The following USH2A variants were observed in gnomAD, a reference collection of about 807,000 sequenced individuals.
USH2A encodes Usher syndrome 2A (autosomal recessive, mild).
USH2A carries 443 observed loss-of-function variants against 538.9 expected under a neutral mutation model. The observed-to-expected ratio is 0.82, with a 90% CI of 0.76 to 0.89. USH2A has a LOEUF of 0.89. Ranked by LOEUF, USH2A falls within the 40% of genes least tolerant of loss-of-function variation. The probability of loss-of-function intolerance (pLI) is 0.00; values close to 1 mark genes in which losing one functional copy is unlikely to be tolerated. For synonymous variants in USH2A, 2,413 were observed against 2,273.5 expected (o/e 1.06, Z -1.75); for missense variants, 6,633 against 6,324.8 (o/e 1.05, Z -1.65).
In USH2A at chr1:216,323,633, C is replaced by T. The variant is rs771000800; in HGVS notation, c.1391G>A (p.Arg464His). ...FSILTPGPNY[R>H]PGYNNFYNTP... ...ATTATAGAAGTTATTGTATCCAGGA[C>T]GATAATTTGGTCCAGGTGTCAGGAT... Residue 464 changes from arginine (R) to histidine (H), a missense_variant, in exon 8 of 72, where the codon CGT (arginine) becomes CAT (histidine). By Grantham distance (29) the Arg-to-His change is conservative. Coordinates refer to ENST00000307340, the MANE Select transcript of USH2A (RefSeq NM_206933.4). The T allele has an allele frequency of 1.5e-5, 25 of 1,613,234 alleles. No individual in the cohort carries two copies. Among genetic ancestry groups the T allele is most frequent in the Middle Eastern group, 1.6e-4 (1 of 6,076 alleles).
At chr1:216,153,845 G>A (rs1485001869) in intron 21 of USH2A, among the ~76,000 whole-genome samples, 1 of 152,172 alleles carries the variant, frequency 6.6e-6, no homozygotes, top group African/African-American at 2.4e-5. Context: ...TCAGATGTAG[G>A]CTGCTGCTTG....
chr1:215,841,727 G>A (rs1226794952), intron 46 of USH2A, among the ~76,000 whole-genome samples: 1 of 152,124 alleles, frequency 6.6e-6, no homozygotes. Flanking sequence ...CTTCTGCATA[G>A]CAACAGAAAC....
intron 13 of USH2A, among the ~76,000 whole-genome samples, chr1:216,245,163 T>A (rs2036011694): frequency 6.6e-6 from 1 of 152,156 alleles, no homozygotes; most frequent in Admixed American, 6.6e-5. Context: ...TCATTTAGGC[T>A]GTCTGCCCAG....
chr1:215,836,556 T>TA (rs1663534970), intron 47 of USH2A, among the ~76,000 whole-genome samples: 1 of 19,412 alleles, frequency 5.2e-5, no homozygotes, highest in Non-Finnish European at 8.5e-5. Context: ...TATATATATA[T>TA]ATATATATAT....
chr1:215,629,082 C>T (rs752039792), intron 70 of USH2A, 47 bp from the exon 71 acceptor site: 1 of 1,548,034 alleles, frequency 6.5e-7, no homozygotes, highest in Non-Finnish European at 8.9e-7. Flanking sequence ...AGAATATGGG[C>T]TTGAAATATG....
At chr1:216,259,552 C>A (rs946399166) in intron 11 of USH2A, among the ~76,000 whole-genome samples, 1 of 152,030 alleles carries the variant, frequency 6.6e-6, no homozygotes, top group Non-Finnish European at 1.5e-5. Context: ...ATTCTGCTTT[C>A]TGACAAAGGA....
At position 215,675,105 on chromosome 1, in the gene USH2A, G is replaced by A. The variant is rs1553252475; in HGVS notation, c.12806C>T (p.Pro4269Leu). The change falls in exon 63 of 72, where the codon CCT becomes CTT. Residue 4269 changes from proline to leucine, a missense_variant. Coordinates refer to ENST00000307340, the MANE Select transcript of USH2A (RefSeq NM_206933.4). ...ATTCATAGAAACATAGGATATCACA[G>A]GTGGAGAGAGACCTTCTGGAGGTGC... The part of the protein sequence containing the change: ...LQAPPEGLSP[P>L]VISYVSMNPQ... 6.2e-7 allele frequency: 1 copy of A among 1,614,096 alleles called. No homozygotes were observed.
At chr1:216,229,053 A>G (rs1489278383) in intron 14 of USH2A, among the ~76,000 whole-genome samples, 1 of 152,026 alleles carries the variant, frequency 6.6e-6, no homozygotes, top group Non-Finnish European at 1.5e-5. Context: ...ATGCACCTGT[A>G]ATCCCAGCTA....
At chr1:215,968,201 C>T (rs1667402613) in intron 36 of USH2A, among the ~76,000 whole-genome samples, 1 of 151,984 alleles carries the variant, frequency 6.6e-6, no homozygotes, top group African/African-American at 2.4e-5. Context: ...CTTGACAATG[C>T]ACATTAGCAT....
At chr1:215,647,816 G>A in intron 66 of USH2A, 86 bp from the exon 67 acceptor site, 1 of 1,497,340 alleles carries the variant, frequency 6.7e-7, no homozygotes, top group Non-Finnish European at 9.2e-7. Context: ...ATTTTGTGAG[G>A]AGACATTTTG....
At chr1:215,971,686 T>C (rs1667497464) in intron 35 of USH2A, among the ~76,000 whole-genome samples, 1 of 152,184 alleles carries the variant, frequency 6.6e-6, no homozygotes, top group East Asian at 1.9e-4. Context: ...TCACAACTAA[T>C]TATATAAACA....
intron 3 of USH2A, among the ~76,000 whole-genome samples, chr1:216,403,948 G>T (rs1035957816): frequency 6.6e-6 from 1 of 151,988 alleles, no homozygotes; most frequent in Non-Finnish European, 1.5e-5. Context: ...CTCTCCTGAC[G>T]CCACGTGAGG....
chr1:215,663,875 G>A (rs932018742), intron 64 of USH2A, among the ~76,000 whole-genome samples: 15 of 152,240 alleles, frequency 9.9e-5, no homozygotes, highest in Admixed American at 7.9e-4. Flanking sequence ...ACATTTTAAA[G>A]ACAAGAAAAC....
intron 35 of USH2A, among the ~76,000 whole-genome samples, chr1:215,976,843 G>A (rs1300251531): frequency 6.6e-6 from 1 of 152,014 alleles, no homozygotes; most frequent in African/African-American, 2.4e-5. Flanking sequence ...GACAAGTTTT[G>A]CTATCAGAGA....
At chr1:215,840,846 T>G (rs1043666933) in intron 46 of USH2A, among the ~76,000 whole-genome samples, 2 of 152,210 alleles carry the variant, frequency 1.3e-5, no homozygotes, top group East Asian at 3.9e-4. Context: ...TGTTAGCCTT[T>G]TTTATATAGC....
At chr1:215,695,910 C>T (rs1442722742) in intron 61 of USH2A, among the ~76,000 whole-genome samples, 1 of 151,938 alleles carries the variant, frequency 6.6e-6, no homozygotes, top group Non-Finnish European at 1.5e-5. Flanking sequence ...CCACCACACC[C>T]AAATTTTTGT....
chr1:216,053,650 T>C (rs1289710717), intron 30 of USH2A, among the ~76,000 whole-genome samples: 1 of 152,092 alleles, frequency 6.6e-6, no homozygotes, highest in African/African-American at 2.4e-5. Flanking sequence ...GCATTATTGA[T>C]GTCTTAAAAG....
chr1:216,091,013 G>T (rs1227135506), intron 22 of USH2A, among the ~76,000 whole-genome samples: 6 of 152,094 alleles, frequency 3.9e-5, no homozygotes, highest in Admixed American at 3.9e-4. Flanking sequence ...CTCTACATCA[G>T]AAATCAAGTT....
chr1:215,819,653 GT>G (rs1662956993), intron 47 of USH2A, among the ~76,000 whole-genome samples: 1 of 151,706 alleles, frequency 6.6e-6, no homozygotes, highest in East Asian at 1.9e-4. Flanking sequence ...ACATTCAAGA[GT>G]TTGACTTATC....
Sources: gnomAD v4.1 joint callset for allele counts (sites outside exome capture counted in the v4.1 genomes callset) on GRCh38, gnomAD v4.1.1 for gene constraint, MANE v1.5 for transcripts, NCBI Gene and HGNC (gene_info 2026-07-23, HGNC 2026-07-21) for gene names.